The following TTLL12 variants were observed in gnomAD, a reference collection of about 807,000 sequenced individuals.
TTLL12 encodes the protein tubulin--tyrosine ligase-like protein 12.
Under a neutral mutation model 79.6 loss-of-function variants are expected in TTLL12, and 77 were observed. The observed-to-expected ratio is 0.97, with a 90% CI of 0.81 to 1.17. TTLL12 has a LOEUF of 1.17. Among genes scored for constraint, TTLL12 ranks in the 50% most tolerant of loss-of-function variants. The probability of loss-of-function intolerance (pLI) is 0.00; values close to 1 mark genes in which losing one functional copy is unlikely to be tolerated. For synonymous variants in TTLL12, 437 were observed against 376.1 expected (o/e 1.16, Z -1.87); for missense variants, 969 against 895.9 (o/e 1.08, Z -1.04).
rs1410140956 is a variant in TTLL12 at position 43,174,297 on chromosome 22, G to C, written c.1141C>G (p.Pro381Ala). The change falls in exon 8 of 14, where the codon CCC becomes GCC. Residue 381 changes from proline to alanine, a missense_variant. Physicochemically the swap from Pro to Ala is conservative, Grantham distance 27. Coordinates refer to ENST00000216129, the MANE Select transcript of TTLL12 (RefSeq NM_015140.4). ...LASIARRAGG[P>A]EGPPWLPRTF... ...CGGGGCAGCCAGGGTGGGCCCTCGG[G>C]GCCACCTGCCCGGCGCGCGATGGAG... 2 of 1,611,066 alleles carry C rather than the reference G, an allele frequency of 1.2e-6. No homozygotes were observed. The highest frequency in any genetic ancestry group is 1.7e-6 in the Non-Finnish European group (2 of 1,179,438).
chr22:43,168,727 A>AGGG (rs1569482961), intron 13 of TTLL12, 47 bp downstream of exon 13: 1 of 1,542,658 alleles, frequency 6.5e-7, no homozygotes, highest in Admixed American at 2.0e-5. Flanking sequence ...TGGCTGGCGG[A>AGGG]GGGGGCGCCT....
chr22:43,173,719 G>A lies in TTLL12; in HGVS notation c.1337C>T (p.Pro446Leu), dbSNP rs773231320. The A allele has an allele frequency of 6.2e-7, 1 of 1,601,524 alleles. No homozygotes were observed. The highest frequency in any genetic ancestry group is 1.1e-5 in the South Asian group (1 of 91,058). ...CTCCTGGTCTGCGGGGCCCACCTTG[G>A]GGGTGCTCTCTCGGTGCCGGATGAT... Reference protein sequence around the residue: ...HSIIRHRESTPKVVSKYIESP... With the variant: ...HSIIRHRESTLKVVSKYIESP... The change falls in exon 9 of 14, where the codon CCC becomes CTC. Residue 446 changes from proline to leucine, a missense_variant. By Grantham distance (98) the Pro-to-Leu change is moderately conservative (BLOSUM62 -3). Transcript: ENST00000216129.
chr22:43,185,344 C>G (rs1425436470), intron 1 of TTLL12, among the ~76,000 whole-genome samples: 1 of 145,176 alleles, frequency 6.9e-6, no homozygotes, highest in Admixed American at 7.0e-5. Context: ...GGCAGCCGGC[C>G]TAAGGTGAGG....
chr22:43,186,968 C>T lies in TTLL12; in HGVS notation c.102G>A (p.Leu34=). 2.3e-6 allele frequency: 3 copies of T among 1,323,532 alleles called. No homozygotes were observed. The highest frequency in any genetic ancestry group is 1.9e-5 in the South Asian group (1 of 53,508). 82.0% of individuals were successfully genotyped at this position (1,323,532 alleles called of 1,614,324 possible). Residue 34 remains leucine, a synonymous_variant, in exon 1 of 14, where the codon CTG becomes CTA. Transcript: ENST00000216129. ...GAQALAEFAA[L]HGPALRASGV... ...CCGAAGCGCGCAGCGCCGGGCCGTGCAGCGCCGCGAACTCGGCCAAGGCCT... is the reference window on the plus strand; with the variant it reads ...CCGAAGCGCGCAGCGCCGGGCCGTGTAGCGCCGCGAACTCGGCCAAGGCCT...
chr22:43,186,189 A>ACCACC (rs1555982109), intron 1 of TTLL12, among the ~76,000 whole-genome samples: 1 of 82,140 alleles, frequency 1.2e-5, no homozygotes, highest in Non-Finnish European at 2.8e-5. Flanking sequence ...TAAAGAAAAC[A>ACCACC]CCCCCCCCCC....
At position 43,180,859 on chromosome 22, in the gene TTLL12, G is replaced by C. The variant is rs761911874; in HGVS notation, c.429C>G (p.His143Gln). Residue 143 changes from histidine (H) to glutamine (Q), a missense_variant, in exon 3 of 14, where the codon CAC becomes CAG. Physicochemically the swap from His to Gln is conservative, Grantham distance 24. Transcript: ENST00000216129. ...QQLQQVPGLL[H>Q]RMANLMGIEF... ...CAATGCCCATCAGGTTGGCCATGCG[G>C]TGCAGCAGCCCGGGCACCTGCTGCA... The C allele has an allele frequency of 1.2e-6, 2 of 1,613,046 alleles. No homozygotes were observed. Among genetic ancestry groups the C allele is most frequent in the Non-Finnish European group, 1.7e-6 (2 of 1,179,946 alleles).
chr22:43,182,568 C>A (rs929275640), intron 2 of TTLL12, among the ~76,000 whole-genome samples: 1 of 152,222 alleles, frequency 6.6e-6, no homozygotes, highest in African/African-American at 2.4e-5. Flanking sequence ...GCCAGGCCTG[C>A]TCTGGGTCTC....
chr22:43,173,704 G>T lies in TTLL12; in HGVS notation c.1341+11C>A. On this transcript the variant is annotated intron_variant, in intron 9 of 13. Transcript: ENST00000216129. ...CCCTGAGCCCTGGGGCTCCTGGTCT[G>T]CGGGGCCCACCTTGGGGGTGCTCTC... 1 of 1,599,178 alleles carries T rather than the reference G, an allele frequency of 6.3e-7. No homozygotes were observed. The highest frequency in any genetic ancestry group is 8.5e-7 in the Non-Finnish European group (1 of 1,179,112).
chr22:43,169,464 C>T (rs1233086366), intron 12 of TTLL12, 36 bp downstream of exon 12: 2 of 1,536,936 alleles, frequency 1.3e-6, no homozygotes, highest in African/African-American at 2.8e-5. Flanking sequence ...GGGACCCGCC[C>T]CACCGGCCTG....
intron 3 of TTLL12, 79 bp from the exon 4 acceptor site, chr22:43,180,079 C>G: frequency 6.8e-7 from 1 of 1,472,164 alleles, no homozygotes; most frequent in South Asian, 1.3e-5. Flanking sequence ...AGACATCGAC[C>G]ACCAGCCCAC....
At chr22:43,177,779 G>A (rs1355991313) in intron 5 of TTLL12, among the ~76,000 whole-genome samples, 1 of 152,220 alleles carries the variant, frequency 6.6e-6, no homozygotes. Flanking sequence ...GAGGCACCCC[G>A]TTGAGCCACT....
At chr22:43,180,709 C>T in intron 3 of TTLL12, 33 bp downstream of exon 3, 1 of 1,608,400 alleles carries the variant, frequency 6.2e-7, no homozygotes, top group South Asian at 1.1e-5. Flanking sequence ...CATGCCTGTC[C>T]TCCCCCTCCC....
At chr22:43,180,659 T>G in intron 3 of TTLL12, 83 bp downstream of exon 3, 1 of 1,484,962 alleles carries the variant, frequency 6.7e-7, no homozygotes, top group Non-Finnish European at 9.2e-7. Flanking sequence ...GGCCGGCCCC[T>G]CACCCGGCCT....
chr22:43,187,096 C>A lies in TTLL12; in HGVS notation c.-27G>T. 9.1e-7 allele frequency: 1 copy of A among 1,094,124 alleles called. No individual in the cohort carries two copies. The highest frequency in any genetic ancestry group is 4.0e-4 in the Middle Eastern group (1 of 2,526). 67.8% of individuals were successfully genotyped at this position (1,094,124 alleles called of 1,614,324 possible). ...GCGCCAGCACCCGCGCCGACTCCAG[C>A]GCCGCCACCGCCGCCGCCGCCCGCC... On this transcript the variant is annotated 5_prime_UTR_variant, in exon 1 of 14. Coordinates refer to ENST00000216129, the MANE Select transcript of TTLL12 (RefSeq NM_015140.4).
chr22:43,167,790 G>T lies in TTLL12; in HGVS notation c.*218C>A. 1 of 533,368 alleles carries T rather than the reference G, an allele frequency of 1.9e-6. No homozygotes were observed. The highest frequency in any genetic ancestry group is 3.2e-5 in the Admixed American group (1 of 31,014). 33.0% of individuals were successfully genotyped at this position (533,368 alleles called of 1,614,324 possible). On this transcript the variant is annotated 3_prime_UTR_variant, in exon 14 of 14. Transcript: ENST00000216129. ...GGGCGTGGGGTGGTGCTCAGCCCTG[G>T]GGACACCATCACTGTCCTGCTCTGA...
At chr22:43,173,958 GAGGC>G in intron 8 of TTLL12, 132 bp from the exon 9 acceptor site, 1 of 946,182 alleles carries the variant, frequency 1.1e-6, no homozygotes, top group Non-Finnish European at 1.6e-6. Context: ...AGAGCTGTCA[GAGGC>G]AGGGGCATGG....
intron 1 of TTLL12, among the ~76,000 whole-genome samples, chr22:43,184,762 G>C (rs561065741): frequency 6.6e-6 from 1 of 152,304 alleles, no homozygotes; most frequent in Non-Finnish European, 1.5e-5. Flanking sequence ...TGAGGCTGAG[G>C]GTCAGAGAGC....
intron 8 of TTLL12, 116 bp downstream of exon 8, chr22:43,174,093 G>T: frequency 1.5e-6 from 2 of 1,377,934 alleles, no homozygotes; most frequent in Non-Finnish European, 2.0e-6. Context: ...GGGGCCCACA[G>T]CTCGGCTCCT....
At position 43,182,660 on chromosome 22, in the gene TTLL12, C is replaced by T. The variant is rs1932087370; in HGVS notation, c.347+320G>A. Among the ~76,000 whole-genome samples, 5 of 152,178 alleles carry T rather than the reference C, an allele frequency of 3.3e-5. No individual in the cohort carries two copies. The South Asian group carries it at 1.0e-3, about 31-fold the overall frequency. On this transcript the variant is annotated intron_variant, in intron 2 of 13. Coordinates refer to ENST00000216129, the MANE Select transcript of TTLL12 (RefSeq NM_015140.4). ...GGGCTGTGACTGGGGAGGAGTAAGG[C>T]TGACCTGCACCCTTAACCTGGAGGG...
Sources: gnomAD v4.1 joint callset for allele counts (sites outside exome capture counted in the v4.1 genomes callset) on GRCh38, gnomAD v4.1.1 for gene constraint, MANE v1.5 for transcripts, NCBI Gene and HGNC (gene_info 2026-07-23, HGNC 2026-07-21) for gene names.